The following PLGRKT variants were observed in gnomAD, a reference collection of about 807,000 sequenced individuals.
The protein encoded by PLGRKT is plasminogen receptor (KT).
A neutral mutation model predicts 18.5 loss-of-function variants in PLGRKT; 22 were observed. The ratio of observed to expected loss-of-function variants is 1.19; its 90% CI spans 0.85 to 1.70. The LOEUF (loss-of-function observed/expected upper bound fraction) is 1.70, where lower values mean the gene tolerates loss of function less well. Among genes scored for constraint, PLGRKT ranks in the 40% most tolerant of loss-of-function variants. The probability of loss-of-function intolerance (pLI) is 0.00; values close to 1 mark genes in which losing one functional copy is unlikely to be tolerated. For synonymous variants in PLGRKT, 72 were observed against 52.8 expected (o/e 1.36, Z -1.58); for missense variants, 235 against 174.4 (o/e 1.35, Z -1.96).
intron 3 of PLGRKT, among the ~76,000 whole-genome samples, chr9:5,412,058 C>T (rs757069281): frequency 2.6e-5 from 4 of 152,154 alleles, no homozygotes. Context: ...TTAAACCATA[C>T]TAAAAAGTGT....
intron 3 of PLGRKT, among the ~76,000 whole-genome samples, chr9:5,381,171 G>C (rs940982287): frequency 1.3e-5 from 2 of 152,212 alleles, no homozygotes; most frequent in Non-Finnish European, 2.9e-5. Flanking sequence ...AATTGGTAGT[G>C]GGAGTTTGGA....
chr9:5,376,347 T>C (rs932107939), intron 3 of PLGRKT, among the ~76,000 whole-genome samples: 1 of 152,190 alleles, frequency 6.6e-6, no homozygotes, highest in Non-Finnish European at 1.5e-5. Flanking sequence ...AACCAGACTG[T>C]CTGCATTTGC....
intron 3 of PLGRKT, among the ~76,000 whole-genome samples, chr9:5,397,518 A>C (rs2131122095): frequency 6.6e-6 from 1 of 151,814 alleles, no homozygotes; most frequent in Admixed American, 6.6e-5. Context: ...TTGTTGAAAG[A>C]AGGAAGAAAA....
At chr9:5,429,570 T>C (rs77903292) in intron 3 of PLGRKT, among the ~76,000 whole-genome samples, 1,831 of 152,344 alleles carry the variant, frequency 0.012, 37 homozygotes, top group African/African-American at 0.043. Context: ...ATATTCACAT[T>C]GTATGGTCCC....
chr9:5,412,303 A>C (rs1818380995), intron 3 of PLGRKT, among the ~76,000 whole-genome samples: 1 of 152,230 alleles, frequency 6.6e-6, no homozygotes, highest in African/African-American at 2.4e-5. Context: ...AATAAACCCC[A>C]AATGGATTTG....
Position 5,358,319 on chromosome 9 carries a change from G to A in PLGRKT, c.364C>T (p.Gln122Ter). The A allele has an allele frequency of 6.2e-7, 1 of 1,609,386 alleles. No individual in the cohort carries two copies. The highest frequency in any genetic ancestry group is 1.3e-5 in the African/African-American group (1 of 74,932). The change falls in exon 6 of 6, where the codon CAG becomes TAG. Residue 122 changes from glutamine to a stop codon, truncating the protein, a stop_gained. Coordinates refer to ENST00000223864, the MANE Select transcript of PLGRKT (RefSeq NM_018465.4). LOFTEE classifies it high-confidence loss of function. ...AAAGTGATCATTCCTCTTGGCAGCT[G>A]CAATTTACTCTTTTCTGTTTCCAGT... The part of the protein sequence containing the change: ...DILETEKSKL[Q>*]LPRGMITFES...
rs547584016 is a variant in PLGRKT, at chr9:5,388,933, T to C, written c.82-27045A>G. On this transcript the variant is annotated intron_variant, in intron 3 of 5. Coordinates refer to ENST00000223864, the MANE Select transcript of PLGRKT (RefSeq NM_018465.4). Reference sequence around the variant, plus strand: ...AGGTATTTATGATATTGTCATGATATTGACAACGTCCTCCAGCTGAAGGTA... The same window carrying C: ...AGGTATTTATGATATTGTCATGATACTGACAACGTCCTCCAGCTGAAGGTA... 3.3e-5 allele frequency among the ~76,000 whole-genome samples: 5 copies of C among 152,182 alleles called. No homozygotes were observed. The East Asian group carries it at 5.8e-4, about 18-fold the overall frequency.
At chr9:5,380,041 T>A (rs1817708570) in intron 3 of PLGRKT, among the ~76,000 whole-genome samples, 1 of 152,236 alleles carries the variant, frequency 6.6e-6, no homozygotes, top group Non-Finnish European at 1.5e-5. Context: ...TAAATTCTGA[T>A]ATATTCTTGC....
chr9:5,369,100 G>T (rs891244373), intron 3 of PLGRKT, among the ~76,000 whole-genome samples: 10 of 152,138 alleles, frequency 6.6e-5, no homozygotes, highest in Admixed American at 3.9e-4. Context: ...AGCCAAAATT[G>T]ACAAATTGGA....
chr9:5,358,576 G>A (rs1817190410), intron 5 of PLGRKT, among the ~76,000 whole-genome samples: 1 of 152,062 alleles, frequency 6.6e-6, no homozygotes, highest in Non-Finnish European at 1.5e-5. Context: ...AGCTACAGAT[G>A]GTATTTTTGA....
intron 3 of PLGRKT, among the ~76,000 whole-genome samples, 174 bp from the exon 4 acceptor site, chr9:5,362,062 A>C (rs1817279606): frequency 6.6e-6 from 1 of 152,232 alleles, no homozygotes; most frequent in African/African-American, 2.4e-5. Context: ...ACCAACTGTC[A>C]CCTTGGCAGT....
chr9:5,358,626 C>T (rs1447482054), intron 5 of PLGRKT, among the ~76,000 whole-genome samples: 2 of 152,096 alleles, frequency 1.3e-5, no homozygotes, highest in Non-Finnish European at 2.9e-5. Flanking sequence ...GTAATTTTTT[C>T]CCTTGAACCA....
intron 3 of PLGRKT, among the ~76,000 whole-genome samples, chr9:5,406,762 T>C (rs1818265805): frequency 6.6e-6 from 1 of 152,144 alleles, no homozygotes; most frequent in Non-Finnish European, 1.5e-5. Context: ...CTGGAACTAA[T>C]AAAAACCTAC....
At chr9:5,417,640 T>TA (rs1414665083) in intron 3 of PLGRKT, among the ~76,000 whole-genome samples, 2 of 148,776 alleles carry the variant, frequency 1.3e-5, no homozygotes, top group African/African-American at 5.1e-5. Context: ...CTAGTATCCA[T>TA]AATATGTAAA....
chr9:5,406,527 C>T (rs1333798569), intron 3 of PLGRKT, among the ~76,000 whole-genome samples: 2 of 147,904 alleles, frequency 1.4e-5, no homozygotes. Context: ...CCAAACACTG[C>T]ATGTTCTCTT....
intron 3 of PLGRKT, among the ~76,000 whole-genome samples, chr9:5,398,314 C>G (rs1474252035): frequency 6.6e-6 from 1 of 151,812 alleles, no homozygotes; most frequent in Non-Finnish European, 1.5e-5. Context: ...CAGGGACCCT[C>G]CAGAAGCAAT....
chr9:5,367,886 C>G (rs1204381887), intron 3 of PLGRKT, among the ~76,000 whole-genome samples: 1 of 151,896 alleles, frequency 6.6e-6, no homozygotes, highest in Non-Finnish European at 1.5e-5. Context: ...TTAAACAACT[C>G]AATAAGCAAA....
chr9:5,364,230 G>C lies in PLGRKT; in HGVS notation c.82-2342C>G, dbSNP rs73639291. Among the ~76,000 whole-genome samples the C allele has an allele frequency of 9.0e-3, 1,365 of 152,232 alleles. 24 individuals carry two copies. The highest frequency in any genetic ancestry group is 0.031 in the African/African-American group (1,300 of 41,532). On this transcript the variant is annotated intron_variant, in intron 3 of 5. Transcript: ENST00000223864. ...AATCAGGCATCCATAATTTCTAAAG[G>C]CTTCCAGATAGTTCCCGTGTGCAGC... is the stretch of plus-strand genomic sequence containing the variant.
At chr9:5,429,211 C>G (rs893983710) in intron 3 of PLGRKT, among the ~76,000 whole-genome samples, 6 of 152,112 alleles carry the variant, frequency 3.9e-5, no homozygotes, top group African/African-American at 1.4e-4. Context: ...TCACAGTGAC[C>G]AAAACAGACT....
Sources: allele counts gnomAD v4.1 joint callset (sites outside exome capture counted in the v4.1 genomes callset), GRCh38; gene constraint gnomAD v4.1.1; transcripts MANE v1.5; gene names NCBI Gene and HGNC (gene_info 2026-07-23, HGNC 2026-07-21).